The following SCAPER variants were observed in gnomAD, a reference collection of about 807,000 sequenced individuals.
The protein encoded by SCAPER is S phase cyclin A-associated protein in the endoplasmic reticulum.
A neutral mutation model predicts 182.2 loss-of-function variants in SCAPER; 98 were observed. The ratio of observed to expected loss-of-function variants is 0.54; its 90% CI spans 0.46 to 0.64. The LOEUF (loss-of-function observed/expected upper bound fraction) is 0.64, where lower values mean the gene tolerates loss of function less well. SCAPER is among the 30% of genes least tolerant of loss of function. The pLI is 0.00. For missense variants in SCAPER, 1,432 were observed against 1,690.0 expected, an observed-to-expected ratio of 0.85 and a Z score of 2.68; for synonymous variants, 605 against 564.6, an observed-to-expected ratio of 1.07 and a Z score of -1.01.
At chr15:76,753,683 T>A in intron 15 of SCAPER, 125 bp downstream of exon 15, 1 of 1,083,218 alleles carries the variant, frequency 9.2e-7, no homozygotes, top group Non-Finnish European at 1.3e-6. Flanking sequence ...TAAATGAGTG[T>A]GTAAAATGCT....
At chr15:76,396,812 T>C (rs574830005) in intron 27 of SCAPER, among the ~76,000 whole-genome samples, 1 of 152,188 alleles carries the variant, frequency 6.6e-6, no homozygotes, top group Admixed American at 6.5e-5. Flanking sequence ...TTCTTTCTTC[T>C]GTCTGATTGC....
chr15:76,457,775 CT>C (rs2048852458), intron 25 of SCAPER, among the ~76,000 whole-genome samples: 1 of 152,066 alleles, frequency 6.6e-6, no homozygotes. Flanking sequence ...TAAAATTTGA[CT>C]TTTAAAGTAA....
intron 2 of SCAPER, among the ~76,000 whole-genome samples, chr15:76,883,394 T>G (rs2073678527): frequency 6.6e-6 from 1 of 152,158 alleles, no homozygotes; most frequent in East Asian, 1.9e-4. Context: ...TCTGGGGAAT[T>G]TCACATCGGT....
At chr15:76,743,041 T>C (rs2061627980) in intron 15 of SCAPER, among the ~76,000 whole-genome samples, 2 of 152,092 alleles carry the variant, frequency 1.3e-5, no homozygotes, top group African/African-American at 4.8e-5. Context: ...CTTACAATAA[T>C]TGACATGTAG....
At chr15:76,709,275 G>A (rs2059435918) in intron 17 of SCAPER, among the ~76,000 whole-genome samples, 1 of 152,040 alleles carries the variant, frequency 6.6e-6, no homozygotes, top group Non-Finnish European at 1.5e-5. Flanking sequence ...GGGACTACAG[G>A]CACGTGCCAC....
chr15:76,352,992 C>T (rs1344362120), intron 30 of SCAPER, among the ~76,000 whole-genome samples: 2 of 151,570 alleles, frequency 1.3e-5, no homozygotes, highest in East Asian at 1.9e-4. Context: ...GATCTAGTTG[C>T]GTTTATTAAT....
chr15:76,790,558 T>C (rs1264101647), intron 8 of SCAPER, among the ~76,000 whole-genome samples: 1 of 152,194 alleles, frequency 6.6e-6, no homozygotes, highest in Admixed American at 6.5e-5. Flanking sequence ...TCAATCCTTT[T>C]GTTTTTCCAA....
intron 21 of SCAPER, among the ~76,000 whole-genome samples, chr15:76,626,621 G>A (rs1164099064): frequency 6.6e-6 from 1 of 152,220 alleles, no homozygotes; most frequent in African/African-American, 2.4e-5. Context: ...GGTGGCTGAA[G>A]CATGAGAATC....
At chr15:76,670,721 G>C (rs2056952922) in intron 20 of SCAPER, among the ~76,000 whole-genome samples, 1 of 152,152 alleles carries the variant, frequency 6.6e-6, no homozygotes, top group African/African-American at 2.4e-5. Context: ...GTATTAGTAT[G>C]CTTGACCATT....
intron 25 of SCAPER, among the ~76,000 whole-genome samples, chr15:76,444,604 T>C (rs2047862606): frequency 1.3e-5 from 2 of 152,238 alleles, no homozygotes; most frequent in South Asian, 4.1e-4. Context: ...GCTCTGCTTC[T>C]TGAACCCACA....
intron 7 of SCAPER, among the ~76,000 whole-genome samples, chr15:76,798,298 C>T (rs540386619): frequency 6.7e-6 from 1 of 149,554 alleles, no homozygotes; most frequent in South Asian, 2.1e-4. Flanking sequence ...AGGTAGACAT[C>T]GCAGTAAGCC....
At chr15:76,437,554 AC>A (rs1462208154) in intron 25 of SCAPER, among the ~76,000 whole-genome samples, 1 of 152,210 alleles carries the variant, frequency 6.6e-6, no homozygotes, top group Non-Finnish European at 1.5e-5. Context: ...TACACACTAC[AC>A]AAAGAATATG....
chr15:76,503,441 A>G lies in SCAPER; in HGVS notation c.2954+1418T>C, dbSNP rs149937470. 2.6e-5 allele frequency among the ~76,000 whole-genome samples: 4 copies of G among 152,368 alleles called. No individual in the cohort carries two copies. In the East Asian group the frequency reaches 7.7e-4, roughly 29 times the overall value. ...CCATTCTTCATTAATCTTTGTGAATAGAGGAAAGGAATCCAAATTATCTTT... is the reference window on the plus strand; with the variant it reads ...CCATTCTTCATTAATCTTTGTGAATGGAGGAAAGGAATCCAAATTATCTTT... On this transcript the variant is annotated intron_variant, in intron 24 of 31. Coordinates refer to ENST00000563290, the MANE Select transcript of SCAPER (RefSeq NM_020843.4).
intron 23 of SCAPER, among the ~76,000 whole-genome samples, chr15:76,525,021 T>A (rs1366374784): frequency 6.6e-6 from 1 of 152,174 alleles, no homozygotes; most frequent in Non-Finnish European, 1.5e-5. Context: ...CATTCCTTTG[T>A]CTGGGTGCCT....
intron 26 of SCAPER, among the ~76,000 whole-genome samples, chr15:76,413,811 G>T (rs927448402): frequency 1.3e-5 from 2 of 152,164 alleles, no homozygotes; most frequent in South Asian, 4.1e-4. Context: ...GGACCTGGGG[G>T]TAAGAAAAAC....
At chr15:76,639,635 C>T (rs551115432) in intron 21 of SCAPER, among the ~76,000 whole-genome samples, 139 of 152,232 alleles carry the variant, frequency 9.1e-4, no homozygotes, top group Non-Finnish European at 1.6e-3. Context: ...AAGGTCAATT[C>T]AAAGATGGGA....
intron 2 of SCAPER, among the ~76,000 whole-genome samples, chr15:76,874,798 A>C (rs746668106): frequency 9.9e-5 from 15 of 152,090 alleles, no homozygotes; most frequent in Admixed American, 6.5e-5. Context: ...TCTACTAAAA[A>C]TAAAAATAAA....
intron 23 of SCAPER, among the ~76,000 whole-genome samples, chr15:76,527,388 T>C (rs2043289872): frequency 6.6e-6 from 1 of 152,178 alleles, no homozygotes; most frequent in African/African-American, 2.4e-5. Context: ...CTTGGGCACC[T>C]AGGGCTCCAG....
At chr15:76,524,589 A>G (rs2043047258) in intron 23 of SCAPER, among the ~76,000 whole-genome samples, 1 of 151,900 alleles carries the variant, frequency 6.6e-6, no homozygotes, top group Non-Finnish European at 1.5e-5. Context: ...ACTCAGACAT[A>G]GAAAATGACA....
Sources: allele counts gnomAD v4.1 joint callset (sites outside exome capture counted in the v4.1 genomes callset), GRCh38; gene constraint gnomAD v4.1.1; transcripts MANE v1.5; gene names NCBI Gene and HGNC (gene_info 2026-07-23, HGNC 2026-07-21).